The following RADIL variants were observed in gnomAD, a reference collection of about 807,000 sequenced individuals.
RADIL encodes the protein Rap associating with DIL domain.
RADIL carries 99 observed loss-of-function variants against 97.6 expected under a neutral mutation model. The observed-to-expected ratio is 1.01, with a 90% confidence interval of 0.86 to 1.20. The LOEUF (loss-of-function observed/expected upper bound fraction) is 1.20. RADIL is among the 50% of genes most tolerant of loss of function. The pLI, the probability that RADIL is intolerant of heterozygous loss-of-function variation, is 0.00. For synonymous variants in RADIL, 803 were observed against 691.8 expected (o/e 1.16, Z -2.52); for missense variants, 1,765 against 1,498.9 (o/e 1.18, Z -2.93).
At position 4,819,072 on chromosome 7, in the gene RADIL, CTTT is replaced by C. The variant is rs773747258; in HGVS notation, c.1616-1724_1616-1722del. 4.5e-5 allele frequency among the ~76,000 whole-genome samples: 6 copies of C among 133,334 alleles called. No individual in the cohort carries two copies. The highest frequency in any genetic ancestry group is 3.2e-5 in the Non-Finnish European group (2 of 62,866). The allele number at this position is 133,334 out of a possible 152,430, so 87.5% of individuals were successfully genotyped here. On this transcript the variant is annotated intron_variant, in intron 6 of 14. Transcript: ENST00000399583. The surrounding 1 kb of genome is among the most constrained non-coding windows in gnomAD (Gnocchi z 5.8). Reference sequence around the variant, plus strand: ...ACTCCATTTCTCTCTCTCTCTCTCTCTTTTTTTTTTTTTTTTAAAGACAGAGTC... The same window carrying C: ...ACTCCATTTCTCTCTCTCTCTCTCTCTTTTTTTTTTTTTAAAGACAGAGTC...
At chr7:4,875,646 C>T (rs1265998100) in intron 2 of RADIL, among the ~76,000 whole-genome samples, 4 of 152,194 alleles carry the variant, frequency 2.6e-5, no homozygotes, top group East Asian at 1.9e-4. Flanking sequence ...GCTTTTTGCC[C>T]GCTGCTTGGC....
intron 2 of RADIL, chr7:4,861,375 C>G (rs1040155265): frequency 6.2e-7 from 1 of 1,614,180 alleles, no homozygotes; most frequent in African/African-American, 1.3e-5. Context: ...GCCCTTAAAT[C>G]TTTCACTTCC....
chr7:4,843,178 T>G (rs775420172), intron 2 of RADIL, among the ~76,000 whole-genome samples: 6 of 137,822 alleles, frequency 4.4e-5, no homozygotes, highest in Admixed American at 1.5e-4. Flanking sequence ...CCCCGCCAGC[T>G]AATTTTTTGT....
chr7:4,800,319 G>C lies in RADIL; in HGVS notation c.2843-9C>G. The C allele has an allele frequency of 1.3e-5, 18 of 1,439,820 alleles. No homozygotes were observed. The highest frequency in any genetic ancestry group is 1.5e-5 in the Non-Finnish European group (16 of 1,096,304). The allele number at this position is 1,439,820 out of a possible 1,614,324, so 89.2% of individuals were successfully genotyped here. A position where few individuals can be genotyped will look rare whatever the true frequency, so the allele number is the denominator to read the frequency against. On this transcript the variant is annotated splice_polypyrimidine_tract_variant and intron_variant, in intron 12 of 14. Transcript: ENST00000399583. ...AAGGGCTGCAGAGTCTCCTGGGTGG[G>C]GGCCAGGAAAGGTGGGTGGGAGTGA...
In RADIL at chr7:4,836,353, C is replaced by T. The variant is rs761806865; in HGVS notation, c.783+5G>A. On this transcript the variant is annotated splice_donor_5th_base_variant and intron_variant, in intron 3 of 14. Coordinates refer to ENST00000399583, the MANE Select transcript of RADIL (RefSeq NM_018059.5). ...GGGCAGTGGGTGTCAGGAGGGGAGG[C>T]TCACGTGCTGCTGGCTGTAGCCCTG... 6.4e-7 allele frequency: 1 copy of T among 1,568,988 alleles called. No individual in the cohort carries two copies. Among genetic ancestry groups the T allele is most frequent in the South Asian group, 1.2e-5 (1 of 85,570 alleles).
chr7:4,836,626 G>T, intron 2 of RADIL, 21 bp from the exon 3 acceptor site: 1 of 1,604,328 alleles, frequency 6.2e-7, no homozygotes. Flanking sequence ...AGCAACACAA[G>T]GTGAACAGTT....
At chr7:4,875,343 A>G (rs1413472376) in intron 2 of RADIL, among the ~76,000 whole-genome samples, 2 of 151,916 alleles carry the variant, frequency 1.3e-5, no homozygotes, top group Non-Finnish European at 2.9e-5. Context: ...CAGTGAGCTG[A>G]GATCATGCCA....
At chr7:4,876,386 C>G (rs976605945) in intron 2 of RADIL, among the ~76,000 whole-genome samples, 13 of 151,888 alleles carry the variant, frequency 8.6e-5, no homozygotes, top group African/African-American at 3.1e-4. Context: ...CTGCAACCTC[C>G]GCCTCCCAGG....
rs1782730699 is a variant in RADIL at position 4,818,208 on chromosome 7, C to T, written c.1616-857G>A. Among the ~76,000 whole-genome samples, 1 of 152,218 alleles carries T rather than the reference C, an allele frequency of 6.6e-6. No homozygotes were observed. The highest frequency in any genetic ancestry group is 2.4e-5 in the African/African-American group (1 of 41,458). ...GCATCGTGGGGGCTGCCTGTCCAGG[C>T]CGCCTGCCAGGGCTGCATGGGCGGC... On this transcript the variant is annotated intron_variant, in intron 6 of 14. Transcript: ENST00000399583. The surrounding 1 kb of genome is among the most constrained non-coding windows in gnomAD (Gnocchi z 7.1).
rs368623360 is a variant in RADIL, at chr7:4,859,869, T to C, written c.535+17736A>G. On this transcript the variant is annotated intron_variant, in intron 2 of 14. Coordinates refer to ENST00000399583, the MANE Select transcript of RADIL (RefSeq NM_018059.5). ...GGTTTTCTTGGTCCTTTCTTCTTTA[T>C]GAGGCAAGAATATCCTCTAGACTCC... The C allele has an allele frequency of 2.9e-5, 42 of 1,460,850 alleles. No individual in the cohort carries two copies. The African/African-American group carries it at 5.5e-4, about 19-fold the overall frequency. The allele number at this position is 1,460,850 out of a possible 1,614,324, so 90.5% of individuals were successfully genotyped here.
At chr7:4,804,771 G>A (rs144173827) in intron 10 of RADIL, among the ~76,000 whole-genome samples, 3,669 of 150,612 alleles carry the variant, frequency 0.024, 67 homozygotes, top group Middle Eastern at 0.032. Context: ...TGGTGACAGA[G>A]TGAGACTCTG....
chr7:4,837,128 C>G lies in RADIL; in HGVS notation c.536-523G>C, dbSNP rs939319299. On this transcript the variant is annotated intron_variant, in intron 2 of 14. Transcript: ENST00000399583. The surrounding 1 kb of genome is among the most constrained non-coding windows in gnomAD (Gnocchi z 5.6). ...AGTGCCTTGGCACCACCGTGGCACC[C>G]ACAGAACAGTCTCAGAGCAGGCAGC... 6.6e-6 allele frequency among the ~76,000 whole-genome samples: 1 copy of G among 152,208 alleles called. No individual in the cohort carries two copies. Among genetic ancestry groups the G allele is most frequent in the Non-Finnish European group, 1.5e-5 (1 of 68,036 alleles).
chr7:4,882,802 T>A (rs1247918856), intron 1 of RADIL, among the ~76,000 whole-genome samples: 9 of 152,234 alleles, frequency 5.9e-5, no homozygotes, highest in Non-Finnish European at 1.3e-4. Context: ...CTTTCAAGAC[T>A]GGTTCCTGTC....
chr7:4,825,064 C>T (rs756481695), intron 5 of RADIL, among the ~76,000 whole-genome samples: 19 of 151,842 alleles, frequency 1.3e-4, no homozygotes, highest in South Asian at 2.1e-4. Context: ...CCTGTGTGGA[C>T]GGAGGAGCAG....
chr7:4,835,378 A>C lies in RADIL; in HGVS notation c.784-139T>G. The C allele has an allele frequency of 1.8e-6, 2 of 1,127,500 alleles. No homozygotes were observed. Among genetic ancestry groups the C allele is most frequent in the Non-Finnish European group, 2.5e-6 (2 of 799,318 alleles). 69.8% of individuals were successfully genotyped at this position (1,127,500 alleles called of 1,614,324 possible). A position where few individuals can be genotyped will look rare whatever the true frequency, so the allele number is the denominator to read the frequency against. On this transcript the variant is annotated intron_variant, in intron 3 of 14. Transcript: ENST00000399583. This position sits in a 1 kb window ranked among gnomAD's most constrained non-coding sequence, Gnocchi z 5.8. ...GCTCTCCATGTCCCTGGCCACCCCC[A>C]CACCAGAACCCCGACGGCTCTCAGG... is the stretch of plus-strand genomic sequence containing the variant.
At chr7:4,810,852 T>G (rs998356234) in intron 9 of RADIL, among the ~76,000 whole-genome samples, 1 of 152,180 alleles carries the variant, frequency 6.6e-6, no homozygotes, top group Admixed American at 6.5e-5. Flanking sequence ...ACGCTGAGAT[T>G]AGGCCGGGCG....
At chr7:4,859,009 T>G (rs1783905125) in intron 2 of RADIL, 1 of 152,168 alleles carries the variant, frequency 6.6e-6, no homozygotes, top group African/African-American at 2.4e-5. Context: ...TTCTACAGAT[T>G]AAAACCAGTG....
chr7:4,843,235 G>A (rs1321116022), intron 2 of RADIL, among the ~76,000 whole-genome samples: 2 of 150,998 alleles, frequency 1.3e-5, no homozygotes, highest in Non-Finnish European at 2.9e-5. Context: ...GGATGGTCTC[G>A]ATCTCCTGAC....
intron 10 of RADIL, chr7:4,804,113 G>A (rs1295624751): frequency 5.8e-6 from 2 of 341,946 alleles, no homozygotes; most frequent in Non-Finnish European, 1.2e-5. Context: ...CGGCAGAGCT[G>A]GACGCAAGCT....
Sources: allele counts gnomAD v4.1 joint callset (sites outside exome capture counted in the v4.1 genomes callset), GRCh38; gene constraint gnomAD v4.1.1; non-coding constraint Gnocchi (gnomAD v3.1); transcripts MANE v1.5; gene names NCBI Gene and HGNC (gene_info 2026-07-23, HGNC 2026-07-21).